The following CFAP36 variants were observed in gnomAD, a reference collection of about 807,000 sequenced individuals.
CFAP36 encodes the protein cilia- and flagella-associated protein 36.
In CFAP36, 37 loss-of-function variants were observed where a neutral mutation model predicts 50.5. The observed-to-expected ratio is 0.73, with a 90% CI of 0.56 to 0.96. The LOEUF (loss-of-function observed/expected upper bound fraction) is 0.96. Among genes scored for constraint, CFAP36 ranks in the 50% least tolerant of loss-of-function variants. The pLI is 0.00. For missense variants in CFAP36, 407 were observed against 396.2 expected (o/e 1.03, Z -0.23); for synonymous variants, 138 against 128.2 (o/e 1.08, Z -0.52).
At chr2:55,537,376 A>G (rs1684515201) in intron 6 of CFAP36, 107 bp from the exon 7 acceptor site, 3 of 652,736 alleles carry the variant, frequency 4.6e-6, no homozygotes, top group African/African-American at 1.9e-5. Flanking sequence ...GTCTCAAAAG[A>G]AAAAAAAAAG....
intron 7 of CFAP36, chr2:55,539,092 G>A (rs1031311146): frequency 3.0e-6 from 1 of 332,898 alleles, no homozygotes; most frequent in Non-Finnish European, 5.1e-6. Context: ...CATTTGTTAC[G>A]TTGGTGAACC....
chr2:55,538,745 TC>T (rs1400530633), intron 7 of CFAP36: 4 of 1,519,734 alleles, frequency 2.6e-6, no homozygotes, highest in South Asian at 1.2e-5. Context: ...ACCCATCCCT[TC>T]TTTTTTTTTT....
chr2:55,532,486 T>A (rs1430911684), intron 4 of CFAP36, among the ~76,000 whole-genome samples: 1 of 152,196 alleles, frequency 6.6e-6, no homozygotes, highest in Non-Finnish European at 1.5e-5. Flanking sequence ...TCAGGAAGAT[T>A]ATTAGGAGAA....
In CFAP36 at chr2:55,544,216, C is replaced by G; in HGVS notation, c.778-4C>G. The G allele has an allele frequency of 1.2e-6, 2 of 1,611,856 alleles. No individual in the cohort carries two copies. Among genetic ancestry groups the G allele is most frequent in the Non-Finnish European group, 1.7e-6 (2 of 1,179,498 alleles). ...TAGATAGCTCCTTTTCTTACTTGACCCAGAACTTATCAGTACTTGGAACAG... is the reference window on the plus strand; with the variant it reads ...TAGATAGCTCCTTTTCTTACTTGACGCAGAACTTATCAGTACTTGGAACAG... On this transcript the variant is annotated splice_region_variant and splice_polypyrimidine_tract_variant and intron_variant, in intron 8 of 9. Transcript: ENST00000349456.
chr2:55,544,838 C>T (rs1397898303), intron 9 of CFAP36, 69 bp from the exon 10 acceptor site: 1 of 975,146 alleles, frequency 1.0e-6, no homozygotes, highest in Non-Finnish European at 1.5e-6. Context: ...TCATTTGAGG[C>T]AGTATGTTGG....
chr2:55,530,089 A>G (rs1422853915), intron 4 of CFAP36, among the ~76,000 whole-genome samples: 1 of 151,928 alleles, frequency 6.6e-6, no homozygotes, highest in Middle Eastern at 3.2e-3. Flanking sequence ...TTGAATTCCC[A>G]CGTGTTGTGG....
At chr2:55,543,844 A>C in intron 7 of CFAP36, 94 bp from the exon 8 acceptor site, 1 of 1,200,686 alleles carries the variant, frequency 8.3e-7, no homozygotes, top group Admixed American at 2.0e-5. Flanking sequence ...AAAAACAAGT[A>C]TTATTAACAT....
In CFAP36 at chr2:55,524,935, C is replaced by A. The variant is rs542323197; in HGVS notation, c.282+1113C>A. ...GGCGGAGGTTGTGGTGAGCCAAGAT[C>A]GCGCCATTGCACTCCAGCCTGGGCA... On this transcript the variant is annotated intron_variant, in intron 3 of 9. Coordinates refer to ENST00000349456, the MANE Select transcript of CFAP36 (RefSeq NM_080667.7). 7.5e-4 allele frequency among the ~76,000 whole-genome samples: 113 copies of A among 151,444 alleles called. No individual in the cohort carries two copies. The Middle Eastern group carries it at 0.01, about 14-fold the overall frequency.
intron 4 of CFAP36, 104 bp from the exon 5 acceptor site, chr2:55,533,769 G>T: frequency 2.0e-6 from 1 of 504,786 alleles, no homozygotes. Flanking sequence ...GGATGTTACA[G>T]TGATAGATCT....
intron 2 of CFAP36, among the ~76,000 whole-genome samples, chr2:55,522,793 AT>A: frequency 6.6e-6 from 1 of 152,068 alleles, no homozygotes; most frequent in Non-Finnish European, 1.5e-5. Context: ...CTGTCTTGTG[AT>A]TTTAAAAAAT....
At chr2:55,521,635 CTT>C (rs928512816) in intron 1 of CFAP36, among the ~76,000 whole-genome samples, 3 of 121,632 alleles carry the variant, frequency 2.5e-5, no homozygotes, top group Admixed American at 8.1e-5. Flanking sequence ...ATTTTTTTTT[CTT>C]TTTTTTTTTT....
rs796525866 is a variant in CFAP36 at position 55,540,282 on chromosome 2, A to C, written c.640+2697A>C. 4.6e-5 allele frequency among the ~76,000 whole-genome samples: 7 copies of C among 152,040 alleles called. No individual in the cohort carries two copies. The South Asian group carries it at 1.2e-3, about 27-fold the overall frequency. On this transcript the variant is annotated intron_variant, in intron 7 of 9. Coordinates refer to ENST00000349456, the MANE Select transcript of CFAP36 (RefSeq NM_080667.7). ...TTTACATTTTACATTTAGGTCTGTG[A>C]TCTATTTTGAATTATTTTTTGTGAA...
chr2:55,521,502 T>C (rs900167269), intron 1 of CFAP36, among the ~76,000 whole-genome samples: 2 of 152,136 alleles, frequency 1.3e-5, no homozygotes, highest in Non-Finnish European at 2.9e-5. Flanking sequence ...CTCATATTGA[T>C]TGAAATGTGT....
In CFAP36 at chr2:55,535,642, C is replaced by A; in HGVS notation, c.486-70C>A. On this transcript the variant is annotated intron_variant, in intron 5 of 9. Transcript: ENST00000349456. ...ATTGTAAGCTTAGGTTAGCATGTTGCTTAGTTGAATATTTGTTCTTTGACC... is the reference window on the plus strand; with the variant it reads ...ATTGTAAGCTTAGGTTAGCATGTTGATTAGTTGAATATTTGTTCTTTGACC... The A allele has an allele frequency of 6.2e-6, 7 of 1,135,900 alleles. No homozygotes were observed. In the South Asian group the frequency reaches 1.1e-4, roughly 18 times the overall value. 70.4% of individuals were successfully genotyped at this position (1,135,900 alleles called of 1,614,324 possible). A position where few individuals can be genotyped will look rare whatever the true frequency, so the allele number is the denominator to read the frequency against.
At position 55,528,890 on chromosome 2, in the gene CFAP36, C is replaced by T. The variant is rs1286257378; in HGVS notation, c.295C>T (p.Pro99Ser). The T allele has an allele frequency of 6.2e-7, 1 of 1,600,030 alleles. No homozygotes were observed. Among genetic ancestry groups the T allele is most frequent in the Non-Finnish European group, 8.5e-7 (1 of 1,174,420 alleles). Reference protein sequence around the residue: ...KTHTSQAILQPVLAAEDFTIF... With the variant: ...KTHTSQAILQSVLAAEDFTIF... ...CTTCTTTCCACAGGCCATTTTGCAACCTGTGTTGGCAGCAGAAGATTTTAC... is the reference window on the plus strand; with the variant it reads ...CTTCTTTCCACAGGCCATTTTGCAATCTGTGTTGGCAGCAGAAGATTTTAC... The change falls in exon 4 of 10, where the codon CCT (proline) becomes TCT (serine). Residue 99 changes from proline (P) to serine (S), a missense_variant. Pro to Ser is a moderately conservative substitution (Grantham distance 74, BLOSUM62 -1). Transcript: ENST00000349456.
At position 55,535,780 on chromosome 2, in the gene CFAP36, T is replaced by C; in HGVS notation, c.537+17T>C. On this transcript the variant is annotated intron_variant, in intron 6 of 9. Transcript: ENST00000349456. ...AAAAAACAGGTGCCTACAGAACATA[T>C]AACAGAAGTATTTTATTGCTGTTAT... The C allele has an allele frequency of 6.4e-7, 1 of 1,550,940 alleles. No individual in the cohort carries two copies. The highest frequency in any genetic ancestry group is 8.6e-7 in the Non-Finnish European group (1 of 1,157,100).
At chr2:55,536,132 A>C (rs1684479793) in intron 6 of CFAP36, among the ~76,000 whole-genome samples, 2 of 150,994 alleles carry the variant, frequency 1.3e-5, no homozygotes, top group South Asian at 2.1e-4. Context: ...TCACAGAACA[A>C]CATTTTTTTT....
intron 7 of CFAP36, among the ~76,000 whole-genome samples, chr2:55,542,597 T>C (rs1684663297): frequency 6.6e-6 from 1 of 152,242 alleles, no homozygotes; most frequent in Non-Finnish European, 1.5e-5. Flanking sequence ...GTATTTGGCT[T>C]CAAGTACTTT....
At chr2:55,538,186 A>G (rs1574624340) in intron 7 of CFAP36, among the ~76,000 whole-genome samples, 4 of 152,194 alleles carry the variant, frequency 2.6e-5, no homozygotes, top group Admixed American at 2.6e-4. Flanking sequence ...ATGGTCATGA[A>G]TTCAGTTCAT....
Sources: allele counts gnomAD v4.1 joint callset (sites outside exome capture counted in the v4.1 genomes callset), GRCh38; gene constraint gnomAD v4.1.1; transcripts MANE v1.5; gene names NCBI Gene and HGNC (gene_info 2026-07-23, HGNC 2026-07-21).